Variants in GALNT13 observed in about 807,000 individuals in gnomAD.
GALNT13 encodes the protein UDP-GalNAc:polypeptide N-acetylgalactosaminyltransferase 13.
Under a neutral mutation model 64.2 loss-of-function variants are expected in GALNT13, and 28 were observed. The ratio of observed to expected loss-of-function variants is 0.44; its 90% CI spans 0.32 to 0.60. The LOEUF is 0.60. Ranked by LOEUF, GALNT13 falls within the 20% of genes least tolerant of loss-of-function variation. The pLI, the probability that GALNT13 is intolerant of heterozygous loss-of-function variation, is 0.05. For missense variants in GALNT13, 577 were observed against 669.8 expected (o/e 0.86, Z 1.53); for synonymous variants, 214 against 224.6 (o/e 0.95, Z 0.42).
chr2:153,201,581 G>A, the GALNT13 span: 1 of 152,094 alleles, frequency 6.6e-6, no homozygotes, highest in Admixed American at 6.5e-5. Flanking sequence ...ACAGCACATA[G>A]GGAATGTACT....
At chr2:154,229,456 C>G (rs529382497) in intron 4 of GALNT13, among the ~76,000 whole-genome samples, 36 of 152,118 alleles carry the variant, frequency 2.4e-4, no homozygotes, top group African/African-American at 8.7e-4. Flanking sequence ...ATATTTTGCA[C>G]TGAAAACAGT....
chr2:154,363,532 C>A (rs948417848), intron 9 of GALNT13, among the ~76,000 whole-genome samples: 2 of 151,928 alleles, frequency 1.3e-5, no homozygotes, highest in African/African-American at 4.8e-5. Context: ...CACACTCTGA[C>A]CCATTATGGT....
At chr2:153,444,340 A>G in the GALNT13 span, among the ~76,000 whole-genome samples, 1 of 152,216 alleles carries the variant, frequency 6.6e-6, no homozygotes, top group African/African-American at 2.4e-5. Context: ...TATGTACTCA[A>G]GAAATATTTT....
At chr2:153,653,677 C>T in the GALNT13 span, among the ~76,000 whole-genome samples, 1 of 152,092 alleles carries the variant, frequency 6.6e-6, no homozygotes, top group Non-Finnish European at 1.5e-5. Context: ...TATGAGTATA[C>T]ATGAGTTCAT....
chr2:154,327,508 C>G (rs1209645372), intron 9 of GALNT13, among the ~76,000 whole-genome samples: 1 of 152,112 alleles, frequency 6.6e-6, no homozygotes, highest in Non-Finnish European at 1.5e-5. Flanking sequence ...TAATTCACTT[C>G]CCTAAAGAAA....
chr2:153,232,471 ACACACTCAC>A, the GALNT13 span, among the ~76,000 whole-genome samples: 1 of 152,196 alleles, frequency 6.6e-6, no homozygotes, highest in African/African-American at 2.4e-5. Flanking sequence ...TTCTTTTAGA[ACACACTCAC>A]CACAGTGAAA....
chr2:154,095,343 A>G (rs906540467), intron 3 of GALNT13, among the ~76,000 whole-genome samples: 2 of 151,932 alleles, frequency 1.3e-5, no homozygotes, highest in Admixed American at 6.6e-5. Flanking sequence ...AGATATTTAC[A>G]TAGAATAATA....
the GALNT13 span, among the ~76,000 whole-genome samples, chr2:153,654,650 C>T: frequency 6.6e-6 from 1 of 151,900 alleles, no homozygotes; most frequent in Non-Finnish European, 1.5e-5. Context: ...AACAATACAG[C>T]AATTAAAATC....
At chr2:153,082,573 TTATATATATA>T in the GALNT13 span, among the ~76,000 whole-genome samples, 608 of 40,496 alleles carry the variant, frequency 0.015, 4 homozygotes, top group African/African-American at 0.022. Context: ...TTAGGCTGGT[TTATATATATA>T]TATATATATA....
the GALNT13 span, among the ~76,000 whole-genome samples, chr2:153,306,004 G>T: frequency 6.6e-6 from 1 of 152,194 alleles, no homozygotes; most frequent in Non-Finnish European, 1.5e-5. Context: ...ACCAGAAAAG[G>T]AGTGGAGCAC....
At chr2:154,233,799 C>T (rs1179209585) in intron 4 of GALNT13, among the ~76,000 whole-genome samples, 16 of 152,008 alleles carry the variant, frequency 1.1e-4, no homozygotes, top group Admixed American at 9.2e-4. Flanking sequence ...TGGTCGGGGA[C>T]GGTCCCAGTT....
chr2:153,933,565 G>A (rs1247839404), intron 2 of GALNT13, among the ~76,000 whole-genome samples: 2 of 152,018 alleles, frequency 1.3e-5, no homozygotes, highest in Non-Finnish European at 2.9e-5. Flanking sequence ...TGTTAAGTGG[G>A]GATGTTTAGC....
At chr2:153,488,735 A>C in the GALNT13 span, among the ~76,000 whole-genome samples, 1 of 152,208 alleles carries the variant, frequency 6.6e-6, no homozygotes, top group Non-Finnish European at 1.5e-5. Flanking sequence ...AGAAAAAAAT[A>C]ATGGAGCCTG....
chr2:154,158,233 G>A (rs1182931889), intron 4 of GALNT13, among the ~76,000 whole-genome samples: 1 of 152,052 alleles, frequency 6.6e-6, no homozygotes, highest in Non-Finnish European at 1.5e-5. Context: ...TCCCCACAAA[G>A]CCTCGTATTT....
At chr2:153,591,462 T>C in the GALNT13 span, among the ~76,000 whole-genome samples, 1 of 152,080 alleles carries the variant, frequency 6.6e-6, no homozygotes, top group African/African-American at 2.4e-5. Flanking sequence ...GTAACATTTA[T>C]ATGGAACCAA....
the GALNT13 span, among the ~76,000 whole-genome samples, chr2:153,393,267 ATT>A: frequency 2.7e-5 from 4 of 146,074 alleles, no homozygotes; most frequent in African/African-American, 1.0e-4. Context: ...AGAAGTCTCC[ATT>A]TTTTTTTTTT....
the GALNT13 span, among the ~76,000 whole-genome samples, chr2:153,630,824 T>A: frequency 2.2e-4 from 18 of 83,356 alleles, no homozygotes; most frequent in Non-Finnish European, 2.8e-4. Context: ...TTTTTTTTTT[T>A]ATTATACTTT....
intron 3 of GALNT13, among the ~76,000 whole-genome samples, chr2:153,955,238 C>CCATT (rs1692480791): frequency 6.6e-6 from 1 of 152,126 alleles, no homozygotes; most frequent in Admixed American, 6.5e-5. Context: ...ATATTTGATA[C>CCATT]CATTCATTCA....
the GALNT13 span, among the ~76,000 whole-genome samples, chr2:153,644,011 TCTAA>T: frequency 6.6e-6 from 1 of 151,950 alleles, no homozygotes. Flanking sequence ...TGCAAGACTA[TCTAA>T]CTATCACGAT....
Sources: allele counts gnomAD v4.1 joint callset (sites outside exome capture counted in the v4.1 genomes callset), GRCh38; gene constraint gnomAD v4.1.1; transcripts MANE v1.5; gene names NCBI Gene and HGNC (gene_info 2026-07-23, HGNC 2026-07-21).